The following DCC variants were observed in gnomAD, a reference collection of about 807,000 sequenced individuals.
DCC encodes netrin receptor DCC.
Under a neutral mutation model 172.5 loss-of-function variants are expected in DCC, and 58 were observed. That is an observed-to-expected ratio of 0.34 (90% CI 0.27 to 0.42). The LOEUF is 0.42. DCC is among the 10% of genes least tolerant of loss of function. The pLI, the probability that DCC is intolerant of heterozygous loss-of-function variation, is 1.00. For synonymous variants in DCC, 709 were observed against 644.5 expected (o/e 1.10, Z -1.52); for missense variants, 1,740 against 1,791.0 (o/e 0.97, Z 0.51).
intron 3 of DCC, among the ~76,000 whole-genome samples, chr18:52,921,874 A>G (rs1257519505): frequency 6.6e-6 from 1 of 151,870 alleles, no homozygotes; most frequent in Non-Finnish European, 1.5e-5. Flanking sequence ...ACGGTATTGT[A>G]TAGTGTAAGT....
At chr18:53,033,315 C>T (rs976424820) in intron 5 of DCC, among the ~76,000 whole-genome samples, 2 of 152,060 alleles carry the variant, frequency 1.3e-5, no homozygotes, top group African/African-American at 4.8e-5. Context: ...ATGTTGATTC[C>T]CAGCTTCAAG....
intron 26 of DCC, among the ~76,000 whole-genome samples, chr18:53,497,210 GA>G (rs1179434174): frequency 5.3e-5 from 8 of 152,328 alleles, no homozygotes; most frequent in Admixed American, 1.3e-4. Flanking sequence ...ACAATTCACA[GA>G]GGAACACAGA....
At chr18:52,396,163 C>T (rs1986219699) in intron 1 of DCC, among the ~76,000 whole-genome samples, 3 of 151,718 alleles carry the variant, frequency 2.0e-5, no homozygotes, top group Admixed American at 6.6e-5. Context: ...ATGTATTTCC[C>T]GTTAAAGCAG....
chr18:53,234,165 G>A (rs776338723), intron 12 of DCC, among the ~76,000 whole-genome samples: 2 of 152,136 alleles, frequency 1.3e-5, no homozygotes, highest in Non-Finnish European at 2.9e-5. Flanking sequence ...CAGGAGAATC[G>A]CTTGAACCTG....
intron 11 of DCC, among the ~76,000 whole-genome samples, chr18:53,211,064 A>G (rs2144567118): frequency 6.6e-6 from 1 of 152,312 alleles, no homozygotes; most frequent in Non-Finnish European, 1.5e-5. Flanking sequence ...AAGAGCTTTT[A>G]TGAACGAATG....
chr18:53,145,105 C>CTTTTTTTTT lies in DCC; in HGVS notation c.1262-12232_1262-12224dup, dbSNP rs57501246. 1.1e-4 allele frequency among the ~76,000 whole-genome samples: 4 copies of CTTTTTTTTT among 36,922 alleles called. 2 individuals are homozygous for CTTTTTTTTT. Among genetic ancestry groups the CTTTTTTTTT allele is most frequent in the Admixed American group, 1.1e-3 (2 of 1,856 alleles). The allele number at this position is 36,922 out of a possible 152,430, so 24.2% of individuals were successfully genotyped here. ...AGGTGATTAAGCTGTGAGGGCTCTG[C>CTTTTTTTTT]TTTTTTTTTTTTTTTTTTTTTTTTT... On this transcript the variant is annotated intron_variant, in intron 7 of 28. Coordinates refer to ENST00000442544, the MANE Select transcript of DCC (RefSeq NM_005215.4).
At chr18:53,057,841 A>T (rs1024197548) in intron 5 of DCC, among the ~76,000 whole-genome samples, 3 of 152,160 alleles carry the variant, frequency 2.0e-5, no homozygotes, top group Non-Finnish European at 4.4e-5. Context: ...TAAAAAACAA[A>T]CAAACATATG....
chr18:53,343,243 G>C (rs976415414), intron 15 of DCC, among the ~76,000 whole-genome samples: 2 of 151,826 alleles, frequency 1.3e-5, no homozygotes, highest in African/African-American at 2.4e-5. Flanking sequence ...TTTCCTTTGT[G>C]TCTGATCTTA....
In DCC at chr18:52,678,400, G is replaced by A. The variant is rs187307537; in HGVS notation, c.92-73654G>A. Among the ~76,000 whole-genome samples the A allele has an allele frequency of 1.2e-4, 18 of 152,012 alleles. No homozygotes were observed. In the South Asian group the frequency reaches 2.9e-3, roughly 25 times the overall value. ...TTTGTCCCTTCTATTGTTTATATGC[G>A]TTCATTCATTTTGCCATTAATCTTA... On this transcript the variant is annotated intron_variant, in intron 1 of 28. Transcript: ENST00000442544.
intron 2 of DCC, among the ~76,000 whole-genome samples, chr18:52,763,203 A>G (rs959731781): frequency 3.9e-5 from 6 of 152,230 alleles, no homozygotes; most frequent in African/African-American, 1.4e-4. Context: ...TTCATTTACT[A>G]AGATTTTACC....
At chr18:53,434,852 C>A (rs760512019) in intron 21 of DCC, among the ~76,000 whole-genome samples, 36 of 152,140 alleles carry the variant, frequency 2.4e-4, no homozygotes, top group Non-Finnish European at 4.9e-4. Context: ...ACTGCTGCTG[C>A]ACCTTTAATA....
At chr18:52,572,588 C>T (rs1167881578) in intron 1 of DCC, among the ~76,000 whole-genome samples, 2 of 152,146 alleles carry the variant, frequency 1.3e-5, no homozygotes, top group African/African-American at 4.8e-5. Flanking sequence ...TGTATTGTTG[C>T]CCGTGGGGCT....
chr18:53,228,117 T>A (rs1303103548), intron 12 of DCC, among the ~76,000 whole-genome samples: 7 of 152,140 alleles, frequency 4.6e-5, no homozygotes, highest in African/African-American at 1.4e-4. Flanking sequence ...TGCCTATATT[T>A]CAATATTTCC....
intron 7 of DCC, among the ~76,000 whole-genome samples, chr18:53,102,789 C>T (rs1316761933): frequency 1.3e-5 from 2 of 152,002 alleles, no homozygotes; most frequent in East Asian, 3.9e-4. Context: ...GGGTCTTCTT[C>T]AGAATGGGTT....
chr18:53,458,014 A>G (rs770717642), intron 23 of DCC, among the ~76,000 whole-genome samples: 2 of 152,154 alleles, frequency 1.3e-5, no homozygotes, highest in Non-Finnish European at 2.9e-5. Context: ...CACTCCAATG[A>G]CTTTGCACAG....
intron 2 of DCC, among the ~76,000 whole-genome samples, chr18:52,866,611 A>G (rs1241736280): frequency 6.6e-6 from 1 of 152,156 alleles, no homozygotes; most frequent in Non-Finnish European, 1.5e-5. Flanking sequence ...CATCCCTTGT[A>G]AGTTGTATTA....
intron 1 of DCC, among the ~76,000 whole-genome samples, chr18:52,588,966 A>G (rs913546546): frequency 7.3e-5 from 11 of 151,714 alleles, no homozygotes; most frequent in African/African-American, 2.7e-4. Context: ...CCTCATCTTT[A>G]TGGTAATTTA....
intron 7 of DCC, among the ~76,000 whole-genome samples, chr18:53,100,389 A>AT (rs1044313190): frequency 2.6e-5 from 4 of 152,172 alleles, no homozygotes; most frequent in African/African-American, 9.7e-5. Flanking sequence ...TTAAAGAAGA[A>AT]TTTTTAGCAA....
chr18:53,123,515 A>G (rs1463280500), intron 7 of DCC, among the ~76,000 whole-genome samples: 4 of 152,042 alleles, frequency 2.6e-5, no homozygotes, highest in African/African-American at 9.7e-5. Flanking sequence ...AGAAAATTCT[A>G]TGTGCAACCA....
Sources: gnomAD v4.1 joint callset for allele counts (sites outside exome capture counted in the v4.1 genomes callset) on GRCh38, gnomAD v4.1.1 for gene constraint, MANE v1.5 for transcripts, NCBI Gene and HGNC (gene_info 2026-07-23, HGNC 2026-07-21) for gene names.